The following PRSS55 variants were observed in gnomAD, a reference collection of about 807,000 sequenced individuals.
PRSS55 encodes probable serine protease UNQ9391/PRO34284.
Under a neutral mutation model 23.6 loss-of-function variants are expected in PRSS55, and 41 were observed. The observed-to-expected ratio is 1.74, with a 90% confidence interval of 1.35 to 2.26. The LOEUF (loss-of-function observed/expected upper bound fraction) is 2.26. PRSS55 is among the 30% of genes most tolerant of loss of function. PRSS55 has a pLI of 0.00. For missense variants in PRSS55, 669 were observed against 439.1 expected, an observed-to-expected ratio of 1.52 and a Z score of -4.68; for synonymous variants, 262 against 175.5, an observed-to-expected ratio of 1.49 and a Z score of -3.90.
intron 1 of PRSS55, among the ~76,000 whole-genome samples, chr8:10,526,651 A>G (rs746752969): frequency 6.6e-6 from 1 of 152,204 alleles, no homozygotes; most frequent in Non-Finnish European, 1.5e-5. Context: ...GATTCCATAC[A>G]GATGTTGTGG....
chr8:10,536,736 C>T (rs1812468822), intron 4 of PRSS55, among the ~76,000 whole-genome samples: 1 of 152,080 alleles, frequency 6.6e-6, no homozygotes, highest in South Asian at 2.1e-4. Context: ...CAGCTAGAGG[C>T]CATTATTCTA....
At chr8:10,540,953 C>G (rs1318110728), downstream of PRSS55, 1 of 152,742 alleles carries the variant, frequency 6.5e-6, no homozygotes, top group Admixed American at 6.5e-5. Context: ...GTGTGGGGGC[C>G]CTCCCTTTTC....
At chr8:10,549,347 G>A (rs1160145788) in intron 4 of PRSS55, among the ~76,000 whole-genome samples, 3 of 152,244 alleles carry the variant, frequency 2.0e-5, no homozygotes, top group Non-Finnish European at 4.4e-5. Flanking sequence ...GACAGCTGCA[G>A]AGCCAGTGCC....
intron 4 of PRSS55, among the ~76,000 whole-genome samples, chr8:10,534,801 C>T (rs1319815025): frequency 2.0e-5 from 3 of 152,176 alleles, no homozygotes; most frequent in Non-Finnish European, 2.9e-5. Context: ...TGATATGGTT[C>T]TATACCTGGA....
chr8:10,547,745 C>T (rs979163217), intron 4 of PRSS55, among the ~76,000 whole-genome samples: 1 of 144,324 alleles, frequency 6.9e-6, no homozygotes, highest in African/African-American at 2.5e-5. Context: ...CGCCCCGCCC[C>T]GCCCCAGTCT....
intron 2 of PRSS55, 68 bp downstream of exon 2, chr8:10,529,767 C>G: frequency 6.7e-7 from 1 of 1,490,704 alleles, no homozygotes; most frequent in Non-Finnish European, 9.2e-7. Flanking sequence ...TCCCCCTCAC[C>G]CACACCTGGT....
intron 4 of PRSS55, among the ~76,000 whole-genome samples, chr8:10,551,123 G>C (rs866450246): frequency 6.6e-6 from 1 of 152,310 alleles, no homozygotes. Context: ...CCTTCTGAGA[G>C]GGCAGTGGAA....
At chr8:10,530,863 G>A (rs1812227501) in intron 2 of PRSS55, among the ~76,000 whole-genome samples, 1 of 152,152 alleles carries the variant, frequency 6.6e-6, no homozygotes, top group Non-Finnish European at 1.5e-5. Flanking sequence ...GGCAGGTCTA[G>A]ACTAACTTCT....
intron 1 of PRSS55, among the ~76,000 whole-genome samples, chr8:10,528,666 C>T (rs1412486399): frequency 6.6e-6 from 1 of 152,208 alleles, no homozygotes; most frequent in East Asian, 1.9e-4. Flanking sequence ...ATGCCCCACC[C>T]CTTGTGGTTT....
At chr8:10,541,219 T>G (rs529392843), downstream of PRSS55, 4 of 152,360 alleles carry the variant, frequency 2.6e-5, no homozygotes, top group South Asian at 2.1e-4. Context: ...ATGTGAAGGC[T>G]GCTGGGGAGT....
At chr8:10,540,299 TC>T (rs1208225719), downstream of PRSS55, 3 of 152,224 alleles carry the variant, frequency 2.0e-5, no homozygotes, top group African/African-American at 4.8e-5. Flanking sequence ...GATTCGAATT[TC>T]CTGGGCCACC....
chr8:10,533,056 G>A lies in PRSS55; in HGVS notation c.741+8G>A. ...AGCTATGATGCCTGCAAGGTAACTAGGGGGTACCCTCCCTCACCTTATAGG... is the reference window on the plus strand; with the variant it reads ...AGCTATGATGCCTGCAAGGTAACTAAGGGGTACCCTCCCTCACCTTATAGG... On this transcript the variant is annotated splice_region_variant and intron_variant, in intron 4 of 4. Coordinates refer to ENST00000328655, the MANE Select transcript of PRSS55 (RefSeq NM_198464.4). 1 of 1,614,078 alleles carries A rather than the reference G, an allele frequency of 6.2e-7. No individual in the cohort carries two copies. The highest frequency in any genetic ancestry group is 1.7e-5 in the Admixed American group (1 of 60,016).
chr8:10,537,426 T>C (rs958460313), intron 4 of PRSS55, among the ~76,000 whole-genome samples: 3 of 151,752 alleles, frequency 2.0e-5, no homozygotes, highest in South Asian at 2.1e-4. Flanking sequence ...AAAAAACTCA[T>C]GGAGATAAAG....
rs1318594938 is a variant in PRSS55, at chr8:10,538,700, C to T, written c.966C>T (p.Ser322=). The stretch of plus-strand genomic sequence containing the variant: ...CTGTCAAACAGAAACCTATGGGCTC[C>T]CCAGTCTCGGGAGTCCCAGAGCCAG... ...RTSVKQKPMG[S]PVSGVPEPGS... Residue 322 remains serine (S), a synonymous_variant, in exon 5 of 5, where the codon TCC becomes TCT. Coordinates refer to ENST00000328655, the MANE Select transcript of PRSS55 (RefSeq NM_198464.4). 1.2e-6 allele frequency: 2 copies of T among 1,614,134 alleles called. No individual in the cohort carries two copies. The highest frequency in any genetic ancestry group is 2.2e-5 in the East Asian group (1 of 44,878).
chr8:10,542,740 G>T (rs1215629796), downstream of PRSS55, among the ~76,000 whole-genome samples: 1 of 151,942 alleles, frequency 6.6e-6, no homozygotes, highest in Non-Finnish European at 1.5e-5. Flanking sequence ...GGGTGTGGTG[G>T]CGGGTGCCTG....
chr8:10,527,350 G>A (rs949785293), intron 1 of PRSS55, among the ~76,000 whole-genome samples: 3 of 152,344 alleles, frequency 2.0e-5, no homozygotes, highest in East Asian at 1.9e-4. Context: ...CCAGACACCC[G>A]GAGTGGAGTC....
At chr8:10,537,473 G>A (rs6987165) in intron 4 of PRSS55, among the ~76,000 whole-genome samples, 16,698 of 152,142 alleles carry the variant, frequency 0.11, 1,095 homozygotes, top group African/African-American at 0.18. Context: ...GAAAGCAGGT[G>A]GGGACTCCAG....
At chr8:10,533,085 T>C in intron 4 of PRSS55, 37 bp downstream of exon 4, 1 of 1,608,946 alleles carries the variant, frequency 6.2e-7, no homozygotes, top group South Asian at 1.1e-5. Context: ...TTATAGGTCC[T>C]CACCCTCTGG....
In PRSS55 at chr8:10,538,624, A is replaced by T; in HGVS notation, c.890A>T (p.Lys297Ile). 6.8e-6 allele frequency: 11 copies of T among 1,614,122 alleles called. No individual in the cohort carries two copies. The highest frequency in any genetic ancestry group is 9.3e-6 in the Non-Finnish European group (11 of 1,180,022). ...GTGAACTACAACCTCTGGATCGAGAAAGTGACCCAGCTAGAGGGCAGGCCC... is the reference window on the plus strand; with the variant it reads ...GTGAACTACAACCTCTGGATCGAGATAGTGACCCAGCTAGAGGGCAGGCCC... ...SLVNYNLWIE[K>I]VTQLEGRPFN... is the part of the protein sequence containing the mutation. Residue 297 changes from lysine to isoleucine, a missense_variant, in exon 5 of 5, where the codon AAA becomes ATA. By Grantham distance (102) the Lys-to-Ile change is moderately radical. Transcript: ENST00000328655.
Sources: gnomAD v4.1 joint callset for allele counts (sites outside exome capture counted in the v4.1 genomes callset) on GRCh38, gnomAD v4.1.1 for gene constraint, MANE v1.5 for transcripts, NCBI Gene and HGNC (gene_info 2026-07-23, HGNC 2026-07-21) for gene names.